The following SLC10A2 variants were observed in gnomAD, a reference collection of about 807,000 sequenced individuals.
SLC10A2 encodes ileal sodium/bile acid cotransporter.
Under a neutral mutation model 27.1 loss-of-function variants are expected in SLC10A2, and 34 were observed. The ratio of observed to expected loss-of-function variants is 1.26; its 90% confidence interval spans 0.96 to 1.67. The LOEUF is 1.67. Among genes scored for constraint, SLC10A2 ranks in the 40% most tolerant of loss-of-function variants. The pLI, the probability that SLC10A2 is intolerant of heterozygous loss-of-function variation, is 0.00. For missense variants in SLC10A2, 530 were observed against 444.4 expected (o/e 1.19, Z -1.73); for synonymous variants, 205 against 174.0 (o/e 1.18, Z -1.40).
chr13:103,049,575 C>G (rs1875714216), intron 4 of SLC10A2, 129 bp from the exon 5 acceptor site: 1 of 869,594 alleles, frequency 1.1e-6, no homozygotes, highest in Non-Finnish European at 1.8e-6. Flanking sequence ...TTAAGATAGG[C>G]TTATTCAATA....
intron 3 of SLC10A2, among the ~76,000 whole-genome samples, chr13:103,052,392 T>C (rs1326938018): frequency 6.6e-6 from 1 of 152,084 alleles, no homozygotes; most frequent in African/African-American, 2.4e-5. Flanking sequence ...AAGGATCACT[T>C]GAGCACAGGA....
chr13:103,052,510 C>T, intron 3 of SLC10A2, 110 bp downstream of exon 3: 1 of 809,836 alleles, frequency 1.2e-6, no homozygotes. Flanking sequence ...ACTTCAGGCC[C>T]CCACTCAACA....
chr13:103,046,193 T>C lies in SLC10A2; in HGVS notation c.987A>G (p.Gly329=). The C allele has an allele frequency of 6.2e-7, 1 of 1,613,972 alleles. No homozygotes were observed. The highest frequency in any genetic ancestry group is 8.5e-7 in the Non-Finnish European group (1 of 1,179,892). ...KAEIPESKEN[G]TEPESSFYKA... is the part of the protein sequence containing the mutation. ...TATAAAACGATGACTCTGGCTCCGT[T>C]CCATTTTCTTTGCTCTCTGGAATTT... Residue 329 remains glycine, a synonymous_variant, in exon 6 of 6, where the codon GGA becomes GGG. Coordinates refer to ENST00000245312, the MANE Select transcript of SLC10A2 (RefSeq NM_000452.3).
At chr13:103,055,257 A>T (rs1327085890) in intron 2 of SLC10A2, among the ~76,000 whole-genome samples, 1 of 152,240 alleles carries the variant, frequency 6.6e-6, no homozygotes, top group African/African-American at 2.4e-5. Context: ...AAGACACTTA[A>T]AAATGTGGGG....
At position 103,053,117 on chromosome 13, in the gene SLC10A2, T is replaced by TGTGTGA. The variant is rs1555334230; in HGVS notation, c.497-410_497-409insTCACAC. Among the ~76,000 whole-genome samples, 245 of 147,412 alleles carry TGTGTGA rather than the reference T, an allele frequency of 1.7e-3. 2 individuals are homozygous for TGTGTGA. The highest frequency in any genetic ancestry group is 7.5e-3 in the South Asian group (35 of 4,666). ...GTGTGTGTGTGTGTGTGTGTGTGTG[T>TGTGTGA]GTGTGTGTGTATGGCATACAAAGAT... On this transcript the variant is annotated intron_variant, in intron 2 of 5. Transcript: ENST00000245312.
chr13:103,050,108 C>T (rs1875731388), intron 4 of SLC10A2, among the ~76,000 whole-genome samples: 1 of 152,160 alleles, frequency 6.6e-6, no homozygotes, highest in South Asian at 2.1e-4. Context: ...ATGATTGTGC[C>T]ACTGGACTCC....
At chr13:103,055,896 G>T (rs1462315888) in intron 2 of SLC10A2, among the ~76,000 whole-genome samples, 1 of 152,144 alleles carries the variant, frequency 6.6e-6, no homozygotes, top group Non-Finnish European at 1.5e-5. Flanking sequence ...TGCAGCCTAT[G>T]CCCCTTCCTT....
At chr13:103,050,307 T>C (rs1229482199) in intron 4 of SLC10A2, among the ~76,000 whole-genome samples, 1 of 152,164 alleles carries the variant, frequency 6.6e-6, no homozygotes, top group East Asian at 1.9e-4. Flanking sequence ...CAAGCCCAGG[T>C]CTGCCTGACT....
In SLC10A2 at chr13:103,052,704, T is replaced by C. The variant is rs201219577; in HGVS notation, c.501A>G (p.Thr167=). ...CAGGAACAACGAGAGAAACCAGAGA[T>C]GTACCTAAAGATGACAGAAGGGCAA... is the stretch of plus-strand genomic sequence containing the variant. ...SIVIPYDNIG[T]SLVSLVVPVS... Residue 167 remains threonine, a synonymous_variant, in exon 3 of 6, where the codon ACA becomes ACG. Transcript: ENST00000245312. The C allele has an allele frequency of 1.9e-6, 3 of 1,593,832 alleles. No homozygotes were observed. The highest frequency in any genetic ancestry group is 1.1e-5 in the South Asian group (1 of 90,652).
chr13:103,065,910 T>C lies in SLC10A2; in HGVS notation c.340A>G (p.Ile114Val). 1 of 1,614,102 alleles carries C rather than the reference T, an allele frequency of 6.2e-7. No homozygotes were observed. The highest frequency in any genetic ancestry group is 1.3e-5 in the African/African-American group (1 of 75,042). The part of the protein sequence containing the change: ...GCCPGGTASN[I>V]LAYWVDGDMD... ...TCGCCATCGACCCAATAGGCCAAGA[T>C]ATTGGAGGCAGTTCCTCCAGGGCAG... Residue 114 changes from isoleucine to valine, a missense_variant, in exon 1 of 6, where the codon ATC (isoleucine) becomes GTC (valine). Transcript: ENST00000245312.
At chr13:103,059,043 G>A (rs1006451653) in intron 1 of SLC10A2, among the ~76,000 whole-genome samples, 3 of 152,088 alleles carry the variant, frequency 2.0e-5, no homozygotes, top group Non-Finnish European at 4.4e-5. Flanking sequence ...ACTGCTTTCC[G>A]CAATGGATGA....
intron 5 of SLC10A2, 41 bp downstream of exon 5, chr13:103,049,248 T>G (rs200714098): frequency 6.2e-7 from 1 of 1,610,364 alleles, no homozygotes; most frequent in Non-Finnish European, 8.5e-7. Context: ...TCCAGGATTT[T>G]TCAAAGATTA....
intron 1 of SLC10A2, 74 bp from the exon 2 acceptor site, chr13:103,058,456 T>A: frequency 1.1e-6 from 1 of 905,674 alleles, no homozygotes; most frequent in African/African-American, 1.7e-5. Flanking sequence ...TTTTATTTTT[T>A]AATTTAACTT....
intron 1 of SLC10A2, among the ~76,000 whole-genome samples, chr13:103,065,284 TAAGCATAATTTTAA>T (rs1345306050): frequency 1.3e-5 from 2 of 152,200 alleles, no homozygotes; most frequent in Non-Finnish European, 2.9e-5. Context: ...TGTAGTAAGG[TAAGCATAATTTTAA>T]AAAAGCTGCT....
intron 1 of SLC10A2, among the ~76,000 whole-genome samples, chr13:103,059,971 T>C (rs896279002): frequency 2.6e-5 from 4 of 152,208 alleles, no homozygotes; most frequent in African/African-American, 9.7e-5. Context: ...GGCAAATGTG[T>C]GTTCAGAAGA....
intron 1 of SLC10A2, among the ~76,000 whole-genome samples, chr13:103,061,694 G>A (rs1876125345): frequency 6.6e-6 from 1 of 152,116 alleles, no homozygotes; most frequent in African/African-American, 2.4e-5. Context: ...AAGAGGGTTT[G>A]GAGAAGGAAA....
chr13:103,056,804 C>T (rs577964815), intron 2 of SLC10A2, among the ~76,000 whole-genome samples: 3 of 151,958 alleles, frequency 2.0e-5, no homozygotes, highest in African/African-American at 7.2e-5. Flanking sequence ...TCTTGTATAT[C>T]AAAAGCCCAT....
intron 2 of SLC10A2, among the ~76,000 whole-genome samples, chr13:103,053,922 G>A (rs1336861154): frequency 1.2e-4 from 18 of 152,038 alleles, no homozygotes; most frequent in South Asian, 2.1e-4. Context: ...AAAGAGTGGC[G>A]TTGACACACG....
rs57871626 is a variant in SLC10A2, at chr13:103,063,494, T to G, written c.377+2379A>C. Among the ~76,000 whole-genome samples, 3 of 152,142 alleles carry G rather than the reference T, an allele frequency of 2.0e-5. No homozygotes were observed. The East Asian group carries it at 5.8e-4, about 29-fold the overall frequency. On this transcript the variant is annotated intron_variant, in intron 1 of 5. Transcript: ENST00000245312. ...GTGTACACAACTGGAAATATAAATGTTAGATAGGATTGTATCTAAGTAAAT... is the reference window on the plus strand; with the variant it reads ...GTGTACACAACTGGAAATATAAATGGTAGATAGGATTGTATCTAAGTAAAT...
Sources: allele counts gnomAD v4.1 joint callset (sites outside exome capture counted in the v4.1 genomes callset), GRCh38; gene constraint gnomAD v4.1.1; transcripts MANE v1.5; gene names NCBI Gene and HGNC (gene_info 2026-07-23, HGNC 2026-07-21).